TGFB3: variants seen among roughly 807,000 people sequenced by gnomAD.
TGFB3 encodes the protein transforming growth factor beta-3 proprotein.
Under a neutral mutation model 40.1 loss-of-function variants are expected in TGFB3, and 5 were observed. The observed-to-expected ratio is 0.12, with a 90% CI of 0.07 to 0.26. The LOEUF (loss-of-function observed/expected upper bound fraction) is 0.26. Ranked by LOEUF, TGFB3 falls within the 10% of genes least tolerant of loss-of-function variation. The pLI is 1.00. For synonymous variants in TGFB3, 184 were observed against 205.6 expected, an observed-to-expected ratio of 0.89 and a Z score of 0.90; for missense variants, 373 against 530.1, an observed-to-expected ratio of 0.70 and a Z score of 2.91.
chr14:75,980,691 T>G lies in TGFB3; in HGVS notation c.203A>C (p.Gln68Pro). The G allele has an allele frequency of 1.2e-6, 2 of 1,614,198 alleles. No individual in the cohort carries two copies. The highest frequency in any genetic ancestry group is 2.2e-5 in the South Asian group (2 of 91,076). The change falls in exon 1 of 7, where the codon CAG becomes CCG. Residue 68 changes from glutamine (Q) to proline (P), a missense_variant. Coordinates refer to ENST00000238682, the MANE Select transcript of TGFB3 (RefSeq NM_003239.5). This position sits in a 1 kb window ranked among gnomAD's most constrained non-coding sequence, Gnocchi z 4.3. ...EPTVMTHVPY[Q>P]VLALYNSTRE... is the part of the protein sequence containing the mutation. ...GGTGCTGTTGTAAAGGGCCAGGACC[T>G]GATAGGGGACGTGGGTCATCACCGT...
chr14:75,971,305 C>T lies in TGFB3; in HGVS notation c.517-50G>A, dbSNP rs1406523678. ...TACCCGAGACCAGGACAGAGTGCCC[C>T]AGAAGATGTCACAATGCAGAGCACA... On this transcript the variant is annotated intron_variant, in intron 2 of 6. Coordinates refer to ENST00000238682, the MANE Select transcript of TGFB3 (RefSeq NM_003239.5). This position sits in a 1 kb window ranked among gnomAD's most constrained non-coding sequence, Gnocchi z 4.5. The T allele has an allele frequency of 1.2e-6, 2 of 1,613,314 alleles. No individual in the cohort carries two copies. Among genetic ancestry groups the T allele is most frequent in the Non-Finnish European group, 1.7e-6 (2 of 1,179,902 alleles).
Position 75,978,014 on chromosome 14 carries a change from C to G in TGFB3, c.352+2528G>C, listed in dbSNP as rs892152122. Among the ~76,000 whole-genome samples, 51 of 152,108 alleles carry G rather than the reference C, an allele frequency of 3.4e-4. No homozygotes were observed. Among genetic ancestry groups the G allele is most frequent in the Admixed American group, 1.1e-3 (17 of 15,278 alleles). ...GTTATTTAGGAAAAGGCCTTCCTCTCTGCTCTCACCTTGGTGCCCTTTCTC... is the reference window on the plus strand; with the variant it reads ...GTTATTTAGGAAAAGGCCTTCCTCTGTGCTCTCACCTTGGTGCCCTTTCTC... On this transcript the variant is annotated intron_variant, in intron 1 of 6. Coordinates refer to ENST00000238682, the MANE Select transcript of TGFB3 (RefSeq NM_003239.5). The surrounding 1 kb of genome is among the most constrained non-coding windows in gnomAD (Gnocchi z 5.0).
At chr14:75,970,997 C>T in intron 3 of TGFB3, 129 bp downstream of exon 3, 1 of 1,325,946 alleles carries the variant, frequency 7.5e-7, no homozygotes, top group Non-Finnish European at 1.1e-6. Context: ...ATGGAGGATA[C>T]TCAGTGGCAA....
At chr14:75,968,987 G>A (rs2035254531) in intron 3 of TGFB3, among the ~76,000 whole-genome samples, 1 of 152,144 alleles carries the variant, frequency 6.6e-6, no homozygotes. Context: ...CGGGGACTGA[G>A]GATGCATACC....
chr14:75,959,456 G>T, intron 6 of TGFB3, 111 bp from the exon 7 acceptor site: 1 of 1,292,702 alleles, frequency 7.7e-7, no homozygotes, highest in South Asian at 1.2e-5. Context: ...TGCTAGAATG[G>T]CCACGGGTGC....
At chr14:75,966,000 T>C (rs1013878555) in intron 3 of TGFB3, 2 of 399,586 alleles carry the variant, frequency 5.0e-6, no homozygotes, top group Non-Finnish European at 9.5e-6. Flanking sequence ...TAAGAGAAAA[T>C]TGTCACCTAC....
intron 3 of TGFB3, among the ~76,000 whole-genome samples, chr14:75,968,137 C>G (rs1036855308): frequency 1.3e-5 from 2 of 152,228 alleles, no homozygotes; most frequent in African/African-American, 4.8e-5. Context: ...GCCTGGGTAC[C>G]TGGTGCACAA....
At chr14:75,959,764 G>A (rs2035130446) in intron 6 of TGFB3, among the ~76,000 whole-genome samples, 1 of 149,384 alleles carries the variant, frequency 6.7e-6, no homozygotes, top group African/African-American at 2.5e-5. Flanking sequence ...GAGTGAGTCT[G>A]TCTCAAAAAA....
intron 3 of TGFB3, 132 bp from the exon 4 acceptor site, chr14:75,965,827 C>T (rs1343935033): frequency 1.3e-6 from 1 of 782,946 alleles, no homozygotes; most frequent in African/African-American, 1.7e-5. Context: ...TATTGAGGGT[C>T]ACAGGAGACA....
rs1241909417 is a variant in TGFB3, at chr14:75,958,822, A to C, written c.*365T>G. 3 of 358,068 alleles carry C rather than the reference A, an allele frequency of 8.4e-6. No individual in the cohort carries two copies. The Admixed American group carries it at 1.1e-4, about 13-fold the overall frequency. The allele number at this position is 358,068 out of a possible 1,614,324, so 22.2% of individuals were successfully genotyped here. ...TGAAGTGTCTTCCAGTCTGGCCCTG[A>C]CCCAGCCATTCTCTGCCCTTCCTTC... On this transcript the variant is annotated 3_prime_UTR_variant, in exon 7 of 7. Coordinates refer to ENST00000238682, the MANE Select transcript of TGFB3 (RefSeq NM_003239.5).
intron 3 of TGFB3, chr14:75,966,151 C>T (rs966086718): frequency 2.5e-5 from 6 of 244,286 alleles, no homozygotes; most frequent in South Asian, 1.1e-4. Context: ...GAAGAGACTA[C>T]GGACAGGGAG....
Position 75,971,766 on chromosome 14 carries a change from G to A in TGFB3, c.353-48C>T. ...GGGCACAGCATGAGCGAGACATGCA[G>A]GAACAGTGTGCTGCCAACGGACAGG... On this transcript the variant is annotated intron_variant, in intron 1 of 6. Coordinates refer to ENST00000238682, the MANE Select transcript of TGFB3 (RefSeq NM_003239.5). The surrounding 1 kb of genome is among the most constrained non-coding windows in gnomAD (Gnocchi z 4.5). 6.2e-7 allele frequency: 1 copy of A among 1,606,516 alleles called. No individual in the cohort carries two copies.
intron 1 of TGFB3, among the ~76,000 whole-genome samples, chr14:75,976,031 T>C (rs1214418950): frequency 6.6e-6 from 1 of 152,190 alleles, no homozygotes; most frequent in African/African-American, 2.4e-5. Flanking sequence ...GGGCAAAACA[T>C]AAGCAAAGAA....
In TGFB3 at chr14:75,979,701, C is replaced by A. The variant is rs547543433; in HGVS notation, c.352+841G>T. ...ACGGCAGGCTCCCAGACATATCCCC[C>A]CCCCCCACCATGCACCCACTGCCAC... On this transcript the variant is annotated intron_variant, in intron 1 of 6. Coordinates refer to ENST00000238682, the MANE Select transcript of TGFB3 (RefSeq NM_003239.5). This position sits in a 1 kb window ranked among gnomAD's most constrained non-coding sequence, Gnocchi z 4.8. 4.7e-5 allele frequency among the ~76,000 whole-genome samples: 7 copies of A among 150,466 alleles called. No homozygotes were observed. In the East Asian group the frequency reaches 9.8e-4, roughly 21 times the overall value.
intron 4 of TGFB3, among the ~76,000 whole-genome samples, chr14:75,963,867 C>A: frequency 6.8e-6 from 1 of 146,418 alleles, no homozygotes; most frequent in East Asian, 1.9e-4. Flanking sequence ...GGGTTGTCGG[C>A]TTGTTTATTT....
rs568301563 is a variant in TGFB3, at chr14:75,978,829, G to T, written c.352+1713C>A. ...AGGATTCCGGGATGGGGGGGTCCTG[G>T]TGACTCAGAATGCTTCCTCCCTTGG... is the stretch of plus-strand genomic sequence containing the variant. On this transcript the variant is annotated intron_variant, in intron 1 of 6. Coordinates refer to ENST00000238682, the MANE Select transcript of TGFB3 (RefSeq NM_003239.5). The surrounding 1 kb of genome is among the most constrained non-coding windows in gnomAD (Gnocchi z 5.0). Among the ~76,000 whole-genome samples the T allele has an allele frequency of 6.6e-6, 1 of 152,246 alleles. No individual in the cohort carries two copies. The highest frequency in any genetic ancestry group is 1.5e-5 in the Non-Finnish European group (1 of 68,030).
At position 75,959,349 on chromosome 14, in the gene TGFB3, G is replaced by A. The variant is rs1566677942; in HGVS notation, c.1081-4C>T. On this transcript the variant is annotated splice_polypyrimidine_tract_variant and splice_region_variant and intron_variant, in intron 6 of 6. Transcript: ENST00000238682. The stretch of plus-strand genomic sequence containing the variant: ...GAGTGTTGTACAGTCCCAGCACCTG[G>A]GAAGGGACATGTCAGTGAGAGGTTG... The A allele has an allele frequency of 6.2e-7, 1 of 1,613,958 alleles. No individual in the cohort carries two copies. The highest frequency in any genetic ancestry group is 1.3e-5 in the African/African-American group (1 of 75,024).
intron 3 of TGFB3, 54 bp from the exon 4 acceptor site, chr14:75,965,749 G>A (rs763072794): frequency 1.4e-4 from 198 of 1,438,626 alleles, no homozygotes; most frequent in Non-Finnish European, 1.8e-4. Flanking sequence ...ATGGGGAAGT[G>A]TGCCCACCAC....
chr14:75,981,116 G>A lies in TGFB3; in HGVS notation c.-223C>T, dbSNP rs1302704857. ...AGAAGCGGACTGTGTGCCTTGTAGCGCTGGGATTCTTGTCCATGTGTCTAA... is the reference window on the plus strand; with the variant it reads ...AGAAGCGGACTGTGTGCCTTGTAGCACTGGGATTCTTGTCCATGTGTCTAA... On this transcript the variant is annotated 5_prime_UTR_variant, in exon 1 of 7. Transcript: ENST00000238682. The surrounding 1 kb of genome is among the most constrained non-coding windows in gnomAD (Gnocchi z 4.7). The A allele has an allele frequency of 1.0e-5, 6 of 585,044 alleles. No individual in the cohort carries two copies. Among genetic ancestry groups the A allele is most frequent in the Middle Eastern group, 4.6e-4 (1 of 2,184 alleles). 36.2% of individuals were successfully genotyped at this position (585,044 alleles called of 1,614,324 possible).
Sources: allele counts gnomAD v4.1 joint callset (sites outside exome capture counted in the v4.1 genomes callset), GRCh38; gene constraint gnomAD v4.1.1; non-coding constraint Gnocchi (gnomAD v3.1); transcripts MANE v1.5; gene names NCBI Gene and HGNC (gene_info 2026-07-23, HGNC 2026-07-21).